Variants in DAAM2 observed in about 807,000 individuals in gnomAD.
DAAM2 encodes the protein dishevelled associated activator of morphogenesis 2, also known as disheveled-associated activator of morphogenesis 2.
In DAAM2, 39 loss-of-function variants were observed where a neutral mutation model predicts 120.7. The observed-to-expected ratio is 0.32, with a 90% CI of 0.25 to 0.42. The LOEUF is 0.42. Ranked by LOEUF, DAAM2 falls within the 10% of genes least tolerant of loss-of-function variation. DAAM2 has a pLI of 1.00. For missense variants in DAAM2, 1,283 were observed against 1,401.7 expected (o/e 0.92, Z 1.35); for synonymous variants, 488 against 524.9 (o/e 0.93, Z 0.96).
chr6:39,862,857 ATC>A (rs2149297265), intron 3 of DAAM2: 1 of 148,882 alleles, frequency 6.7e-6, no homozygotes, highest in South Asian at 2.1e-4. Flanking sequence ...AATAGAAGGC[ATC>A]TCTCACTGCC....
At position 39,867,911 on chromosome 6, in the gene DAAM2, C is replaced by A. The variant is rs1355849022; in HGVS notation, c.762+68C>A. On this transcript the variant is annotated intron_variant, in intron 6 of 24. Coordinates refer to ENST00000274867, the MANE Select transcript of DAAM2 (RefSeq NM_001201427.2). The stretch of plus-strand genomic sequence containing the variant: ...AGAGGATGTCACATGTGAGTGAGAG[C>A]CTGAAGATTCTTTGCAGCAGAAACT... The A allele has an allele frequency of 3.0e-6, 4 of 1,339,432 alleles. No individual in the cohort carries two copies. The Admixed American group carries it at 6.3e-5, about 21-fold the overall frequency. The allele number at this position is 1,339,432 out of a possible 1,614,324, so 83.0% of individuals were successfully genotyped here.
intron 1 of DAAM2, among the ~76,000 whole-genome samples, chr6:39,831,600 C>T (rs1282582026): frequency 6.6e-6 from 1 of 151,304 alleles, no homozygotes; most frequent in African/African-American, 2.4e-5. Context: ...GGCTCTTAAC[C>T]TCTGTGTGGC....
At chr6:39,825,338 G>C (rs1762628272) in intron 1 of DAAM2, among the ~76,000 whole-genome samples, 1 of 150,388 alleles carries the variant, frequency 6.6e-6, no homozygotes, top group Non-Finnish European at 1.5e-5. Context: ...GCAGCGAACT[G>C]AGATTGCGCC....
At position 39,878,518 on chromosome 6, in the gene DAAM2, G is replaced by A. The variant is rs1764966709; in HGVS notation, c.1475G>A (p.Arg492Gln). ...AACAAAATGAAGGACAAGCTGGCCC[G>A]GGAGTCCCAGGAGCTGCGCCAGGCT... ...TLNKMKDKLA[R>Q]ESQELRQARG... The change falls in exon 13 of 25, where the codon CGG becomes CAG. Residue 492 changes from arginine to glutamine, a missense_variant. By Grantham distance (43) the Arg-to-Gln change is conservative. This residue lies in a region of DAAM2 where 748 missense variants were observed against 768.6 expected (regional missense o/e 0.97). Coordinates refer to ENST00000274867, the MANE Select transcript of DAAM2 (RefSeq NM_001201427.2). The surrounding 1 kb of genome is among the most constrained non-coding windows in gnomAD (Gnocchi z 5.0). 6.2e-6 allele frequency: 10 copies of A among 1,610,064 alleles called. No homozygotes were observed. In the East Asian group the frequency reaches 9.0e-5, roughly 14 times the overall value.
intron 1 of DAAM2, among the ~76,000 whole-genome samples, chr6:39,814,158 AT>A (rs531272345): frequency 6.7e-6 from 1 of 148,154 alleles, no homozygotes; most frequent in African/African-American, 2.5e-5. Context: ...GCAAGGTTTT[AT>A]TTTTTTTAAG....
chr6:39,827,972 C>A (rs144208072), intron 1 of DAAM2, among the ~76,000 whole-genome samples: 1 of 152,162 alleles, frequency 6.6e-6, no homozygotes, highest in African/African-American at 2.4e-5. Flanking sequence ...AAAATCACCA[C>A]ACCTACAAAG....
intron 11 of DAAM2, among the ~76,000 whole-genome samples, chr6:39,877,234 C>A (rs1048442753): frequency 1.3e-5 from 2 of 152,206 alleles, no homozygotes; most frequent in Non-Finnish European, 2.9e-5. Flanking sequence ...GACCCATGGG[C>A]AACCCTCATG....
rs761736948 is a variant in DAAM2, at chr6:39,902,046, A to G, written c.*9A>G. ...ACCGGCTAAATTATTGACCTGGGGA[A>G]CTAGCCACACAGGAGGCCGGGAGAC... On this transcript the variant is annotated 3_prime_UTR_variant, in exon 25 of 25. Coordinates refer to ENST00000274867, the MANE Select transcript of DAAM2 (RefSeq NM_001201427.2). 1.2e-5 allele frequency: 19 copies of G among 1,592,054 alleles called. No homozygotes were observed. The African/African-American group carries it at 2.6e-4, about 21-fold the overall frequency.
At chr6:39,824,712 C>G (rs544230131) in intron 1 of DAAM2, among the ~76,000 whole-genome samples, 75 of 152,302 alleles carry the variant, frequency 4.9e-4, no homozygotes, top group African/African-American at 1.7e-3. Flanking sequence ...GATGTTTGAG[C>G]TGGAGAGGAC....
chr6:39,809,903 T>A (rs1762113365), intron 1 of DAAM2, among the ~76,000 whole-genome samples: 2 of 152,158 alleles, frequency 1.3e-5, no homozygotes. Flanking sequence ...GGTAGGGTGG[T>A]TCCACAGTGC....
chr6:39,876,482 A>G (rs1582718166), intron 11 of DAAM2, among the ~76,000 whole-genome samples: 1 of 152,186 alleles, frequency 6.6e-6, no homozygotes, highest in East Asian at 1.9e-4. Flanking sequence ...TCATTACACT[A>G]TTTAGTAGGC....
At position 39,901,574 on chromosome 6, in the gene DAAM2, C is replaced by T; in HGVS notation, c.2982+102C>T. ...TGGGAGGAGGGCAGAGACTGAGGAA[C>T]TGAGGAACACCATAGGGGTTGGATG... On this transcript the variant is annotated intron_variant, in intron 24 of 24. Coordinates refer to ENST00000274867, the MANE Select transcript of DAAM2 (RefSeq NM_001201427.2). This position sits in a 1 kb window ranked among gnomAD's most constrained non-coding sequence, Gnocchi z 4.5. The T allele has an allele frequency of 7.7e-7, 1 of 1,298,570 alleles. No homozygotes were observed. Among genetic ancestry groups the T allele is most frequent in the African/African-American group, 1.5e-5 (1 of 67,990 alleles). 80.4% of individuals were successfully genotyped at this position (1,298,570 alleles called of 1,614,324 possible).
chr6:39,875,289 C>A, intron 10 of DAAM2, 41 bp from the exon 11 acceptor site: 2 of 1,599,890 alleles, frequency 1.3e-6, no homozygotes, highest in Non-Finnish European at 1.7e-6. Context: ...CCAAGGGGGA[C>A]TTCAGGACTC....
intron 1 of DAAM2, among the ~76,000 whole-genome samples, chr6:39,828,551 T>G (rs1762759630): frequency 6.9e-6 from 1 of 145,552 alleles, no homozygotes; most frequent in African/African-American, 2.6e-5. Context: ...CTAAGCTAAT[T>G]CCCTCCACCC....
intron 19 of DAAM2, among the ~76,000 whole-genome samples, chr6:39,893,282 C>A (rs1295219165): frequency 6.6e-6 from 1 of 152,146 alleles, no homozygotes; most frequent in African/African-American, 2.4e-5. Context: ...TTTGGGAGGC[C>A]AAGGCGGGCG....
chr6:39,862,573 G>C (rs941357616), intron 3 of DAAM2: 10 of 152,102 alleles, frequency 6.6e-5, no homozygotes, highest in African/African-American at 2.4e-4. Flanking sequence ...GGAGGCCGAG[G>C]TGGGCAGATC....
intron 14 of DAAM2, 27 bp downstream of exon 14, chr6:39,879,504 GC>G: frequency 6.2e-7 from 1 of 1,613,942 alleles, no homozygotes; most frequent in South Asian, 1.1e-5. Context: ...GGGCTGGAGG[GC>G]CCATTCTTCT....
chr6:39,796,619 C>CCA (rs1761710072), intron 1 of DAAM2, among the ~76,000 whole-genome samples: 1 of 109,642 alleles, frequency 9.1e-6, no homozygotes, highest in African/African-American at 3.5e-5. Flanking sequence ...GGTCCCCCTC[C>CCA]AAAAAAAAAA....
At chr6:39,841,509 A>G (rs1235423224) in intron 1 of DAAM2, among the ~76,000 whole-genome samples, 2 of 151,944 alleles carry the variant, frequency 1.3e-5, no homozygotes, top group African/African-American at 4.8e-5. Flanking sequence ...GGCTAGAGAG[A>G]GCTTGGAGTT....
Sources: allele counts gnomAD v4.1 joint callset (sites outside exome capture counted in the v4.1 genomes callset), GRCh38; gene constraint gnomAD v4.1.1; regional missense constraint gnomAD v4.1.1; non-coding constraint Gnocchi (gnomAD v3.1); transcripts MANE v1.5; gene names NCBI Gene and HGNC (gene_info 2026-07-23, HGNC 2026-07-21).